GIN1: variants seen among roughly 807,000 people sequenced by gnomAD.
The protein encoded by GIN1 is gypsy retrotransposon integrase-like protein 1.
In GIN1, 41 loss-of-function variants were observed where a neutral mutation model predicts 51.4. The ratio of observed to expected loss-of-function variants is 0.80; its 90% CI spans 0.62 to 1.04. The LOEUF (loss-of-function observed/expected upper bound fraction) is 1.04, where lower values mean the gene tolerates loss of function less well. Ranked by LOEUF, GIN1 falls within the 50% of genes least tolerant of loss-of-function variation. GIN1 has a pLI of 0.00. For synonymous variants in GIN1, 222 were observed against 206.5 expected, an observed-to-expected ratio of 1.07 and a Z score of -0.64; for missense variants, 610 against 612.4, an observed-to-expected ratio of 1.00 and a Z score of 0.04.
In GIN1 at chr5:103,088,004, T is replaced by C; in HGVS notation, c.1463A>G (p.Tyr488Cys). ...TSSKDRELLE[Y>C]RNTKISPLID... The stretch of plus-strand genomic sequence containing the variant: ...CAATGGAGAGATTTTCGTATTTCTA[T>C]ATTCTAATAGTTCACGATCCTTGCT... The change falls in exon 8 of 8, where the codon TAT becomes TGT. Residue 488 changes from tyrosine (Y) to cysteine (C), a missense_variant. By Grantham distance (194) the Tyr-to-Cys change is radical. Coordinates refer to ENST00000399004, the MANE Select transcript of GIN1 (RefSeq NM_017676.2). 1.2e-6 allele frequency: 2 copies of C among 1,604,082 alleles called. No individual in the cohort carries two copies. The highest frequency in any genetic ancestry group is 1.1e-5 in the South Asian group (1 of 90,828).
intron 7 of GIN1, among the ~76,000 whole-genome samples, chr5:103,089,424 T>C (rs1554194291): frequency 1.3e-5 from 2 of 151,446 alleles, no homozygotes; most frequent in Non-Finnish European, 2.9e-5. Flanking sequence ...TATTTATCTT[T>C]ATTTACTTAT....
intron 4 of GIN1, among the ~76,000 whole-genome samples, chr5:103,098,036 C>A: frequency 6.6e-6 from 1 of 152,054 alleles, no homozygotes; most frequent in East Asian, 1.9e-4. Flanking sequence ...GTGTGCGCCA[C>A]CACACCCGGC....
intron 7 of GIN1, among the ~76,000 whole-genome samples, chr5:103,090,243 C>T (rs965139777): frequency 6.6e-6 from 1 of 152,130 alleles, no homozygotes; most frequent in East Asian, 1.9e-4. Context: ...AAGGCGAGAT[C>T]GCACCATTGC....
intron 4 of GIN1, among the ~76,000 whole-genome samples, chr5:103,099,638 G>GT (rs1361953277): frequency 8.5e-5 from 13 of 152,180 alleles, no homozygotes; most frequent in African/African-American, 3.1e-4. Flanking sequence ...TTGTGAAATG[G>GT]TATCTTGACA....
chr5:103,108,520 T>G (rs1306316342), intron 2 of GIN1, 49 bp downstream of exon 2: 1 of 1,290,564 alleles, frequency 7.7e-7, no homozygotes, highest in African/African-American at 1.5e-5. Context: ...AGGAAGAATG[T>G]GGGGAAGAAT....
chr5:103,101,916 G>C (rs1222174206), intron 4 of GIN1, among the ~76,000 whole-genome samples: 1 of 152,156 alleles, frequency 6.6e-6, no homozygotes, highest in Non-Finnish European at 1.5e-5. Context: ...CCATTGCTCA[G>C]ACCACTGCTA....
At chr5:103,109,533 C>A (rs1554196699) in intron 1 of GIN1, among the ~76,000 whole-genome samples, 1 of 152,054 alleles carries the variant, frequency 6.6e-6, no homozygotes, top group African/African-American at 2.4e-5. Context: ...TCTTTCTGAT[C>A]TACTTTTAAC....
intron 7 of GIN1, among the ~76,000 whole-genome samples, chr5:103,088,857 C>A (rs782391708): frequency 6.6e-6 from 1 of 152,010 alleles, no homozygotes; most frequent in Non-Finnish European, 1.5e-5. Context: ...TAAAGCATTT[C>A]TGGGTGAATT....
intron 4 of GIN1, among the ~76,000 whole-genome samples, chr5:103,101,125 G>A (rs368923320): frequency 1.3e-5 from 2 of 152,170 alleles, no homozygotes; most frequent in Non-Finnish European, 2.9e-5. Flanking sequence ...TTAACAATAT[G>A]CCAACATCAC....
rs142960552 is a variant in GIN1 at position 103,119,667 on chromosome 5, T to C, written c.-8+397A>G. Among the ~76,000 whole-genome samples the C allele has an allele frequency of 2.4e-3, 359 of 152,256 alleles. 3 individuals are homozygous for C. Among genetic ancestry groups the C allele is most frequent in the African/African-American group, 8.4e-3 (348 of 41,552 alleles). On this transcript the variant is annotated intron_variant, in intron 1 of 7. Transcript: ENST00000399004. ...CTGATTAAATGACTGATCAAAGTAA[T>C]GGGGAGAATTCTTCAACGCCGGCCA... is the stretch of plus-strand genomic sequence containing the variant.
At chr5:103,093,533 A>G (rs989708018) in intron 7 of GIN1, among the ~76,000 whole-genome samples, 5 of 152,222 alleles carry the variant, frequency 3.3e-5, no homozygotes, top group Admixed American at 1.3e-4. Context: ...TAACCTTCAG[A>G]ATTGTAATAT....
chr5:103,111,173 C>T (rs2151475503), intron 1 of GIN1, among the ~76,000 whole-genome samples: 1 of 146,856 alleles, frequency 6.8e-6, no homozygotes, highest in East Asian at 2.1e-4. Flanking sequence ...ATTAATCGTC[C>T]TCAACTCTTA....
At position 103,104,713 on chromosome 5, in the gene GIN1, CTGTTGCTTGTA is replaced by C; in HGVS notation, c.456_466del (p.His152GlnfsTer24). 1 of 1,612,894 alleles carries C rather than the reference CTGTTGCTTGTA, an allele frequency of 6.2e-7. No individual in the cohort carries two copies. Among genetic ancestry groups the C allele is most frequent in the Non-Finnish European group, 8.5e-7 (1 of 1,178,952 alleles). The stretch of plus-strand genomic sequence containing the variant: ...CATGATTATAGCATATACATGACTT[CTGTTGCTTGTA>C]TGAAAAGGCCCCATCAGATCAACAG... On this transcript the variant is annotated frameshift_variant, in exon 4 of 8. Coordinates refer to ENST00000399004, the MANE Select transcript of GIN1 (RefSeq NM_017676.2). LOFTEE classifies it high-confidence loss of function.
intron 4 of GIN1, 104 bp downstream of exon 4, chr5:103,104,437 C>G (rs1787664773): frequency 1.6e-6 from 1 of 615,136 alleles, no homozygotes; most frequent in South Asian, 2.1e-5. Flanking sequence ...AGAAATTTAT[C>G]TGAACTTATT....
At chr5:103,119,474 AT>A (rs1402737640) in intron 1 of GIN1, among the ~76,000 whole-genome samples, 1 of 152,222 alleles carries the variant, frequency 6.6e-6, no homozygotes, top group Admixed American at 6.5e-5. Flanking sequence ...GCCACATGGG[AT>A]AAATGCATTT....
chr5:103,117,043 T>TA, intron 1 of GIN1, among the ~76,000 whole-genome samples: 1 of 152,212 alleles, frequency 6.6e-6, no homozygotes, highest in East Asian at 1.9e-4. Context: ...ATACCAATCT[T>TA]AGATACTAAC....
chr5:103,116,148 T>C (rs1788024839), intron 1 of GIN1, among the ~76,000 whole-genome samples: 2 of 152,072 alleles, frequency 1.3e-5, no homozygotes, highest in African/African-American at 4.8e-5. Flanking sequence ...CTAAAATTGA[T>C]ATGGAAAGCT....
rs1787738054 is a variant in GIN1 at position 103,106,801 on chromosome 5, C to T, written c.248G>A (p.Gly83Glu). 6.2e-7 allele frequency: 1 copy of T among 1,603,084 alleles called. No homozygotes were observed. The highest frequency in any genetic ancestry group is 8.5e-7 in the Non-Finnish European group (1 of 1,172,618). ...GGTCCTGGATATACCATGATGAGCTCCACTGTCATTTTCATGGCATTCTCT... is the reference window on the plus strand; with the variant it reads ...GGTCCTGGATATACCATGATGAGCTTCACTGTCATTTTCATGGCATTCTCT... ...VLRECHENDSGAHHGISRTLT... is the reference protein window; with the variant it reads ...VLRECHENDSEAHHGISRTLT... The change falls in exon 3 of 8, where the codon GGA becomes GAA. Residue 83 changes from glycine to glutamate, a missense_variant. Physicochemically the swap from Gly to Glu is moderately conservative, Grantham distance 98. Transcript: ENST00000399004.
intron 1 of GIN1, among the ~76,000 whole-genome samples, chr5:103,114,274 G>T (rs1378834751): frequency 6.6e-6 from 1 of 152,218 alleles, no homozygotes; most frequent in Non-Finnish European, 1.5e-5. Context: ...TTGGGGTAGA[G>T]ACAGGAATAC....
Sources: gnomAD v4.1 joint callset for allele counts (sites outside exome capture counted in the v4.1 genomes callset) on GRCh38, gnomAD v4.1.1 for gene constraint, MANE v1.5 for transcripts, NCBI Gene and HGNC (gene_info 2026-07-23, HGNC 2026-07-21) for gene names.